Variants in TBC1D32 observed in about 807,000 individuals in gnomAD.
The protein encoded by TBC1D32 is TBC1 domain family member 32.
In TBC1D32, 151 loss-of-function variants were observed where a neutral mutation model predicts 170.3. The ratio of observed to expected loss-of-function variants is 0.89; its 90% CI spans 0.78 to 1.01. TBC1D32 has a LOEUF of 1.01. TBC1D32 is among the 50% of genes least tolerant of loss of function. The pLI, the probability that TBC1D32 is intolerant of heterozygous loss-of-function variation, is 0.00. For missense variants in TBC1D32, 1,464 were observed against 1,457.1 expected, an observed-to-expected ratio of 1.00 and a Z score of -0.08; for synonymous variants, 498 against 488.0, an observed-to-expected ratio of 1.02 and a Z score of -0.27.
chr6:121,100,643 T>C (rs539727007), intron 30 of TBC1D32, among the ~76,000 whole-genome samples: 2 of 151,926 alleles, frequency 1.3e-5, no homozygotes, highest in African/African-American at 2.4e-5. Flanking sequence ...AGGAAAGATC[T>C]AAAATTGACA....
At chr6:121,216,568 G>T (rs1320165120) in intron 21 of TBC1D32, among the ~76,000 whole-genome samples, 1 of 152,082 alleles carries the variant, frequency 6.6e-6, no homozygotes, top group Admixed American at 6.5e-5. Flanking sequence ...TCATTGGCGT[G>T]AACTGTTTAG....
chr6:121,299,216 C>CTA (rs1806093381), intron 10 of TBC1D32, among the ~76,000 whole-genome samples: 1 of 151,992 alleles, frequency 6.6e-6, no homozygotes, highest in South Asian at 2.1e-4. Flanking sequence ...AGCCAATTTA[C>CTA]TATATATATA....
chr6:121,317,669 G>T lies in TBC1D32; in HGVS notation c.321C>A (p.Tyr107Ter). The T allele has an allele frequency of 2.5e-6, 4 of 1,588,058 alleles. No individual in the cohort carries two copies. Among genetic ancestry groups the T allele is most frequent in the Non-Finnish European group, 3.4e-6 (4 of 1,167,496 alleles). ...VTKRTQESKE[Y>*]KEMMHYLKNI... ...TCTTCAGGTAATGCATCATTTCTTTGTACCTTTAAATTCAAGGTAGTCTTA... is the reference window on the plus strand; with the variant it reads ...TCTTCAGGTAATGCATCATTTCTTTTTACCTTTAAATTCAAGGTAGTCTTA... Residue 107 changes from tyrosine (Y) to a stop codon, truncating the protein, a stop_gained, in exon 3 of 32, where the codon TAC becomes TAA. Coordinates refer to ENST00000398212, the MANE Select transcript of TBC1D32 (RefSeq NM_152730.6). LOFTEE classifies it high-confidence loss of function.
chr6:121,329,159 A>G (rs1479638740), intron 1 of TBC1D32, among the ~76,000 whole-genome samples: 1 of 152,194 alleles, frequency 6.6e-6, no homozygotes, highest in Non-Finnish European at 1.5e-5. Context: ...AAGAACATTC[A>G]CTTTTTCCAT....
chr6:121,219,022 T>C (rs1317551912), intron 21 of TBC1D32, among the ~76,000 whole-genome samples: 1 of 152,186 alleles, frequency 6.6e-6, no homozygotes, highest in Non-Finnish European at 1.5e-5. Context: ...ATTAGCAGCA[T>C]GACAAACTAA....
At chr6:121,085,344 T>C (rs766413432) in intron 31 of TBC1D32, among the ~76,000 whole-genome samples, 39 of 123,408 alleles carry the variant, frequency 3.2e-4, no homozygotes, top group Non-Finnish European at 4.6e-4. Context: ...TACATATATA[T>C]ACATACATAT....
intron 21 of TBC1D32, among the ~76,000 whole-genome samples, chr6:121,213,915 T>C (rs1411025119): frequency 6.6e-6 from 1 of 152,250 alleles, no homozygotes; most frequent in East Asian, 1.9e-4. Context: ...CAAAATAGTA[T>C]AATATTGGTA....
intron 21 of TBC1D32, among the ~76,000 whole-genome samples, chr6:121,208,070 G>A (rs1214585160): frequency 2.0e-5 from 3 of 150,804 alleles, no homozygotes; most frequent in Non-Finnish European, 2.9e-5. Flanking sequence ...CCTGTTTGGG[G>A]TTTTAGAGAG....
At chr6:121,087,461 T>C (rs1412255214) in intron 31 of TBC1D32, among the ~76,000 whole-genome samples, 1 of 152,224 alleles carries the variant, frequency 6.6e-6, no homozygotes, top group Non-Finnish European at 1.5e-5. Context: ...AATGGACTGA[T>C]ATTTTCTTGA....
intron 10 of TBC1D32, among the ~76,000 whole-genome samples, chr6:121,299,181 C>G (rs1463840162): frequency 6.6e-6 from 1 of 152,040 alleles, no homozygotes; most frequent in African/African-American, 2.4e-5. Flanking sequence ...TATGGCTTCT[C>G]TCAAACTAGC....
At chr6:121,129,265 T>A (rs909177780) in intron 25 of TBC1D32, among the ~76,000 whole-genome samples, 3 of 152,212 alleles carry the variant, frequency 2.0e-5, no homozygotes. Context: ...TTCAGTATAG[T>A]ATTCAAGAAA....
At chr6:121,132,646 A>T (rs1030757613) in intron 24 of TBC1D32, among the ~76,000 whole-genome samples, 1 of 151,946 alleles carries the variant, frequency 6.6e-6, no homozygotes, top group African/African-American at 2.4e-5. Flanking sequence ...GCTGGGACCC[A>T]AAGAGGATGG....
rs1469524884 is a variant in TBC1D32, at chr6:121,090,871, A to C, written c.3636T>G (p.Asp1212Glu). The C allele has an allele frequency of 2.5e-6, 4 of 1,609,798 alleles. No homozygotes were observed. In the African/African-American group the frequency reaches 4.0e-5, roughly 16 times the overall value. ...TACTTACTTTTAGGAAAACTTGCAG[A>C]TCTTGAGTCTGAGTGTGCTGTAGAA... ...QDILQHTQTQDLQVFLKEEAL... is the reference protein window; with the variant it reads ...QDILQHTQTQELQVFLKEEAL... Residue 1212 changes from aspartate (D) to glutamate (E), a missense_variant, in exon 31 of 32, where the codon GAT becomes GAG. Physicochemically the swap from Asp to Glu is conservative, Grantham distance 45. Transcript: ENST00000398212.
chr6:121,092,854 A>T (rs1249342297), intron 30 of TBC1D32, among the ~76,000 whole-genome samples: 1 of 152,230 alleles, frequency 6.6e-6, no homozygotes, highest in Non-Finnish European at 1.5e-5. Context: ...TAGTGGGGTT[A>T]GGATTTCAAC....
chr6:121,271,893 T>C (rs1801491169), intron 15 of TBC1D32, among the ~76,000 whole-genome samples: 1 of 152,148 alleles, frequency 6.6e-6, no homozygotes, highest in Non-Finnish European at 1.5e-5. Context: ...AGCATGGTAC[T>C]GGTACCAAAA....
chr6:121,334,537 G>A (rs1042439477), upstream of TBC1D32: 3 of 1,349,340 alleles, frequency 2.2e-6, no homozygotes, highest in Admixed American at 2.7e-5. Flanking sequence ...GTGCGGCGTC[G>A]TTCCCAGGGA....
At chr6:121,160,628 T>C (rs984151371) in intron 23 of TBC1D32, among the ~76,000 whole-genome samples, 1 of 152,102 alleles carries the variant, frequency 6.6e-6, no homozygotes, top group African/African-American at 2.4e-5. Flanking sequence ...ATAATAAAAG[T>C]TAAGTATCAT....
intron 1 of TBC1D32, among the ~76,000 whole-genome samples, chr6:121,324,200 T>C (rs1810151320): frequency 6.6e-6 from 1 of 152,176 alleles, no homozygotes; most frequent in Non-Finnish European, 1.5e-5. Context: ...AGTTGTAAAT[T>C]GAGTGAAAAG....
chr6:121,224,385 T>C (rs1354491835), intron 20 of TBC1D32: 2 of 152,146 alleles, frequency 1.3e-5, no homozygotes, highest in African/African-American at 4.8e-5. Context: ...AGTTTACTGC[T>C]TTACATTTTC....
Sources: allele counts gnomAD v4.1 joint callset (sites outside exome capture counted in the v4.1 genomes callset), GRCh38; gene constraint gnomAD v4.1.1; transcripts MANE v1.5; gene names NCBI Gene and HGNC (gene_info 2026-07-23, HGNC 2026-07-21).